Variants in EML1 observed in about 807,000 individuals in gnomAD.
EML1 encodes the protein echinoderm microtubule-associated protein-like 1.
EML1 carries 27 observed loss-of-function variants against 110.4 expected under a neutral mutation model. The ratio of observed to expected loss-of-function variants is 0.24; its 90% confidence interval spans 0.18 to 0.34. EML1 has a LOEUF of 0.34. Ranked by LOEUF, EML1 falls within the 10% of genes least tolerant of loss-of-function variation. EML1 has a pLI of 1.00. For missense variants in EML1, 741 were observed against 1,030.9 expected, an observed-to-expected ratio of 0.72 and a Z score of 3.85; for synonymous variants, 344 against 385.8, an observed-to-expected ratio of 0.89 and a Z score of 1.27.
chr14:99,873,895 G>C (rs1199945488), intron 3 of EML1, among the ~76,000 whole-genome samples: 3 of 152,226 alleles, frequency 2.0e-5, no homozygotes, highest in African/African-American at 7.2e-5. Flanking sequence ...ACAGTGGATG[G>C]TTGATGCCTA....
At chr14:99,757,490 A>C (rs2057270401) in intron 1 of EML1, among the ~76,000 whole-genome samples, 1 of 152,226 alleles carries the variant, frequency 6.6e-6, no homozygotes, top group Non-Finnish European at 1.5e-5. Flanking sequence ...TAAACATGCC[A>C]CACGGCACAG....
At chr14:99,849,535 ATATTTATT>A (rs1011887178) in intron 1 of EML1, among the ~76,000 whole-genome samples, 1 of 140,222 alleles carries the variant, frequency 7.1e-6, no homozygotes, top group African/African-American at 2.6e-5. Context: ...GTGTGTATAT[ATATTTATT>A]TATTTATTTA....
At position 99,939,944 on chromosome 14, in the gene EML1, G is replaced by A. The variant is rs764819605; in HGVS notation, c.2323-43G>A. ...AGCACTTTCCCATCCCAGATGGTTCGCCTTGTAGTAAAGGAAGCTTTCCCC... is the reference window on the plus strand; with the variant it reads ...AGCACTTTCCCATCCCAGATGGTTCACCTTGTAGTAAAGGAAGCTTTCCCC... On this transcript the variant is annotated intron_variant, in intron 21 of 21. Coordinates refer to ENST00000262233, the MANE Select transcript of EML1 (RefSeq NM_004434.3). The surrounding 1 kb of genome is among the most constrained non-coding windows in gnomAD (Gnocchi z 4.2). 34 of 1,488,444 alleles carry A rather than the reference G, an allele frequency of 2.3e-5. No individual in the cohort carries two copies. The highest frequency in any genetic ancestry group is 1.1e-4 in the African/African-American group (8 of 70,520). 92.2% of individuals were successfully genotyped at this position (1,488,444 alleles called of 1,614,324 possible). A position where few individuals can be genotyped will look rare whatever the true frequency, so the allele number is the denominator to read the frequency against.
rs535419328 is a variant in EML1, at chr14:99,777,078, T to G, written c.-27+3065T>G. On this transcript the variant is annotated intron_variant, in intron 1 of 22. Coordinates refer to the EML1 transcript ENST00000327921. ...CAGGAATTGAGATTTCCTCTTCAGC[T>G]GTCCCAGCAGCCAACCCACAGAAGA... 2.1e-4 allele frequency among the ~76,000 whole-genome samples: 32 copies of G among 152,364 alleles called. No homozygotes were observed. In the East Asian group the frequency reaches 5.6e-3, roughly 27 times the overall value.
chr14:99,909,540 A>G, intron 11 of EML1, 61 bp downstream of exon 11: 3 of 1,602,836 alleles, frequency 1.9e-6, no homozygotes, highest in Non-Finnish European at 2.6e-6. Context: ...GGCTAGATGC[A>G]TCTCTCTGGG....
chr14:99,897,468 C>T (rs1275921807), intron 7 of EML1, among the ~76,000 whole-genome samples, 174 bp downstream of exon 7: 2 of 152,126 alleles, frequency 1.3e-5, no homozygotes, highest in Non-Finnish European at 2.9e-5. Context: ...AGAACACGGT[C>T]AGTATTGGGA....
chr14:99,882,476 A>T (rs1291352350), intron 4 of EML1, among the ~76,000 whole-genome samples: 1 of 152,106 alleles, frequency 6.6e-6, no homozygotes, highest in Non-Finnish European at 1.5e-5. Context: ...AAATGAGTTG[A>T]TTTTGTTAGA....
intron 2 of EML1, among the ~76,000 whole-genome samples, chr14:99,861,867 C>T (rs2059008407): frequency 6.6e-6 from 1 of 152,182 alleles, no homozygotes; most frequent in South Asian, 2.1e-4. Flanking sequence ...TTCCCATAGA[C>T]CCAGTACCCA....
intron 1 of EML1, among the ~76,000 whole-genome samples, chr14:99,834,911 C>A (rs943437458): frequency 2.0e-5 from 3 of 152,158 alleles, no homozygotes; most frequent in Non-Finnish European, 4.4e-5. Flanking sequence ...CCTCTATCTC[C>A]CGGCTTCAAG....
chr14:99,754,319 G>C (rs997012182), intron 1 of EML1, among the ~76,000 whole-genome samples: 1 of 152,216 alleles, frequency 6.6e-6, no homozygotes, highest in Middle Eastern at 3.2e-3. Context: ...GGCAAGGAGG[G>C]GGCCCCATCT....
At chr14:99,756,996 G>A (rs1284356615) in intron 1 of EML1, among the ~76,000 whole-genome samples, 1 of 152,148 alleles carries the variant, frequency 6.6e-6, no homozygotes. Flanking sequence ...CAGGACCGGC[G>A]GCACAATTTG....
chr14:99,869,928 C>T (rs1295201120), intron 3 of EML1, among the ~76,000 whole-genome samples: 1 of 152,196 alleles, frequency 6.6e-6, no homozygotes, highest in Non-Finnish European at 1.5e-5. Flanking sequence ...TGAGCAAATG[C>T]CGGTGCCATG....
intron 11 of EML1, among the ~76,000 whole-genome samples, 194 bp downstream of exon 11, chr14:99,909,673 G>A (rs1281757793): frequency 1.3e-5 from 2 of 152,166 alleles, no homozygotes; most frequent in East Asian, 1.9e-4. Context: ...TGGAGGGCAG[G>A]GAAAGGACCT....
Position 99,940,106 on chromosome 14 carries a change from C to T in EML1, c.2442C>T (p.Val814=). ...GKDTSIMQWR[V]I Reference sequence around the variant, plus strand: ...ACACAAGCATCATGCAGTGGCGCGTCATTTAGTACCCACCGAGAGCTGTGG... The same window carrying T: ...ACACAAGCATCATGCAGTGGCGCGTTATTTAGTACCCACCGAGAGCTGTGG... Residue 814 remains valine (V), a synonymous_variant, in exon 22 of 22, where the codon GTC becomes GTT. Transcript: ENST00000262233. 1 of 1,561,010 alleles carries T rather than the reference C, an allele frequency of 6.4e-7. No homozygotes were observed. The highest frequency in any genetic ancestry group is 8.7e-7 in the Non-Finnish European group (1 of 1,153,434).
chr14:99,919,407 CACATACGCATGCACACAG>C (rs1451117056), intron 16 of EML1, among the ~76,000 whole-genome samples: 113 of 93,960 alleles, frequency 1.2e-3, no homozygotes, highest in African/African-American at 3.2e-3. Context: ...GCCACACACA[CACATACGCATGCACACAG>C]ACACACACAC....
chr14:99,823,343 C>T (rs1406960936), intron 1 of EML1, among the ~76,000 whole-genome samples: 1 of 151,974 alleles, frequency 6.6e-6, no homozygotes, highest in African/African-American at 2.4e-5. Context: ...GTGGCTGTGT[C>T]CCCACTTAGC....
At chr14:99,923,066 C>G (rs1288338220) in intron 17 of EML1, among the ~76,000 whole-genome samples, 3 of 152,112 alleles carry the variant, frequency 2.0e-5, no homozygotes, top group Non-Finnish European at 2.9e-5. Flanking sequence ...CTCAGCCTCC[C>G]AAGTAGCTGG....
At chr14:99,760,177 A>G (rs1438054529) in intron 1 of EML1, among the ~76,000 whole-genome samples, 2 of 151,994 alleles carry the variant, frequency 1.3e-5, no homozygotes, top group African/African-American at 4.8e-5. Flanking sequence ...CAAATGTGCA[A>G]CAGAAACAAA....
intron 4 of EML1, among the ~76,000 whole-genome samples, chr14:99,888,957 C>G (rs1180002011): frequency 6.6e-6 from 1 of 152,166 alleles, no homozygotes; most frequent in African/African-American, 2.4e-5. Flanking sequence ...CAGACGCACT[C>G]CGCTTTTCCC....
Sources: allele counts gnomAD v4.1 joint callset (sites outside exome capture counted in the v4.1 genomes callset), GRCh38; gene constraint gnomAD v4.1.1; non-coding constraint Gnocchi (gnomAD v3.1); transcripts MANE v1.5; gene names NCBI Gene and HGNC (gene_info 2026-07-23, HGNC 2026-07-21).